EMC3: variants seen among roughly 807,000 people sequenced by gnomAD.
EMC3 encodes the protein 30 kDa protein.
In EMC3, 13 loss-of-function variants were observed where a neutral mutation model predicts 36.6. That is an observed-to-expected ratio of 0.35 (90% CI 0.23 to 0.56). The LOEUF (loss-of-function observed/expected upper bound fraction) is 0.56, where lower values mean the gene tolerates loss of function less well. Among genes scored for constraint, EMC3 ranks in the 20% least tolerant of loss-of-function variants. EMC3 has a pLI of 0.84. For missense variants in EMC3, 220 were observed against 324.5 expected, an observed-to-expected ratio of 0.68 and a Z score of 2.47; for synonymous variants, 120 against 111.9, an observed-to-expected ratio of 1.07 and a Z score of -0.46.
chr3:9,990,974 G>A (rs936503071), upstream of EMC3, among the ~76,000 whole-genome samples: 5 of 152,002 alleles, frequency 3.3e-5, no homozygotes, highest in African/African-American at 7.3e-5. Flanking sequence ...GACTATAGGC[G>A]CCCACCACCT....
intron 1 of EMC3, chr3:9,992,864 C>T (rs1415016548): frequency 7.0e-7 from 1 of 1,434,230 alleles, no homozygotes; most frequent in East Asian, 2.3e-5. Flanking sequence ...TCTATTATTG[C>T]ATATTTATTG....
intron 1 of EMC3, among the ~76,000 whole-genome samples, chr3:9,995,009 G>A (rs573442227): frequency 1.3e-5 from 2 of 151,534 alleles, no homozygotes; most frequent in South Asian, 4.2e-4. Context: ...AAACGCATCT[G>A]AATGGAACTT....
chr3:9,997,142 C>T (rs949362346), intron 1 of EMC3, among the ~76,000 whole-genome samples: 2 of 152,102 alleles, frequency 1.3e-5, no homozygotes, highest in African/African-American at 4.8e-5. Context: ...TGGATTTGTT[C>T]ATTCTAGATG....
Position 9,964,142 on chromosome 3 carries a change from TCGA to T in EMC3, c.710_712del (p.Val237del), listed in dbSNP as rs1362423314. On this transcript the variant is annotated inframe_deletion, in exon 8 of 8. Transcript: ENST00000245046. ...GAGGTCTTTGGCCATGAGCTCTTCT[TCGA>T]CATCATCTAGTGCCCACTGGTGATC... The T allele has an allele frequency of 1.2e-6, 2 of 1,614,072 alleles. No homozygotes were observed.
chr3:9,987,053 A>G (rs1388539050), upstream of EMC3: 7 of 945,082 alleles, frequency 7.4e-6, no homozygotes, highest in Non-Finnish European at 7.6e-6. Flanking sequence ...TCTCTACTAA[A>G]AATACAAAAA....
chr3:9,995,373 C>A (rs58501657), intron 1 of EMC3, among the ~76,000 whole-genome samples: 28,502 of 148,508 alleles, frequency 0.19, 265 homozygotes, highest in African/African-American at 0.29. Context: ...AAACTACGCC[C>A]AGGAGCAAAA....
rs2086186728 is a variant in EMC3 at position 10,000,604 on chromosome 3, C to T, written c.-242+10419G>A. On this transcript the variant is annotated intron_variant, in intron 1 of 8. Coordinates refer to the EMC3 transcript ENST00000470827. ...TGGTACACATAAAACAGTCATGAGA[C>T]ATTTGTTTTGTAATAAATAAGGCAG... 1.4e-5 allele frequency: 6 copies of T among 429,862 alleles called. No individual in the cohort carries two copies. In the Admixed American group the frequency reaches 1.5e-4, roughly 11 times the overall value. The allele number at this position is 429,862 out of a possible 1,614,324, so 26.6% of individuals were successfully genotyped here.
At chr3:9,994,872 G>A (rs1252626253) in intron 1 of EMC3, among the ~76,000 whole-genome samples, 2 of 152,198 alleles carry the variant, frequency 1.3e-5, no homozygotes, top group East Asian at 1.9e-4. Context: ...GTGCCTGGCC[G>A]AGACACATTT....
At chr3:10,004,110 GC>G (rs1559360193) in intron 1 of EMC3, 1 of 152,120 alleles carries the variant, frequency 6.6e-6, no homozygotes, top group East Asian at 1.9e-4. Context: ...CTGGGGTTCT[GC>G]CCTTCTGCTC....
chr3:9,964,952 T>C (rs1415702718), intron 7 of EMC3, among the ~76,000 whole-genome samples: 1 of 152,116 alleles, frequency 6.6e-6, no homozygotes, highest in Non-Finnish European at 1.5e-5. Context: ...AAAAATGCTT[T>C]ATGAGTTGGG....
Position 9,963,062 on chromosome 3 carries a change from T to C in EMC3, c.*1007A>G, listed in dbSNP as rs2085702985. The C allele has an allele frequency of 6.6e-6, 1 of 152,222 alleles. No individual in the cohort carries two copies. Among genetic ancestry groups the C allele is most frequent in the African/African-American group, 2.4e-5 (1 of 41,468 alleles). The allele number at this position is 152,222 out of a possible 1,614,324, so 9.4% of individuals were successfully genotyped here. ...GTCTCTGATGATCCCAAAGGCACTT[T>C]AGAATCTGGCAGTGCCTCAGGGTCA... On this transcript the variant is annotated 3_prime_UTR_variant, in exon 8 of 8. Transcript: ENST00000245046.
chr3:10,002,774 T>A, intron 1 of EMC3: 1 of 454,174 alleles, frequency 2.2e-6, no homozygotes, highest in Middle Eastern at 3.3e-4. Context: ...GAAATGTCCC[T>A]GGCTCAACAA....
upstream of EMC3, chr3:9,988,406 C>G: frequency 7.6e-7 from 1 of 1,321,546 alleles, no homozygotes; most frequent in Non-Finnish European, 1.1e-6. Flanking sequence ...CGGTCAGAAC[C>G]GTATTATTCT....
In EMC3 at chr3:9,972,049, CTT is replaced by C. The variant is rs372220145; in HGVS notation, c.495-1390_495-1389del. On this transcript the variant is annotated intron_variant, in intron 5 of 7. Coordinates refer to ENST00000245046, the MANE Select transcript of EMC3 (RefSeq NM_001394674.1). ...TAGTGGTATTCAGAAGGAGAAATCT[CTT>C]TTAAAAAATTATAAAGAGTGGTAAG... Among the ~76,000 whole-genome samples, 215 of 152,202 alleles carry C rather than the reference CTT, an allele frequency of 1.4e-3. 3 individuals are homozygous for C. Among genetic ancestry groups the C allele is most frequent in the African/African-American group, 5.0e-3 (207 of 41,518 alleles).
chr3:9,988,060 T>A (rs568971567), upstream of EMC3: 4 of 625,784 alleles, frequency 6.4e-6, no homozygotes, highest in East Asian at 1.2e-4. Flanking sequence ...GATGTCACAG[T>A]TCTCTGACAT....
chr3:9,983,621 A>G (rs58511260), intron 1 of EMC3, among the ~76,000 whole-genome samples: 1 of 152,014 alleles, frequency 6.6e-6, no homozygotes, highest in Non-Finnish European at 1.5e-5. Context: ...GCAGTGAGCC[A>G]AGATTGCGCC....
intron 6 of EMC3, 59 bp downstream of exon 6, chr3:9,970,523 C>G: frequency 6.4e-7 from 1 of 1,563,206 alleles, no homozygotes; most frequent in Non-Finnish European, 8.8e-7. Context: ...TTTTCTGGCT[C>G]TAATATGGAT....
At chr3:9,981,339 C>G (rs1028872711) in intron 1 of EMC3, among the ~76,000 whole-genome samples, 1 of 152,166 alleles carries the variant, frequency 6.6e-6, no homozygotes, top group Non-Finnish European at 1.5e-5. Flanking sequence ...TACAATTACA[C>G]TGCTGAACAA....
At chr3:9,985,191 T>C (rs990594878) in intron 1 of EMC3, among the ~76,000 whole-genome samples, 1 of 152,216 alleles carries the variant, frequency 6.6e-6, no homozygotes, top group African/African-American at 2.4e-5. Flanking sequence ...TTTAAAGGAA[T>C]CTTTAAATTA....
Sources: allele counts gnomAD v4.1 joint callset (sites outside exome capture counted in the v4.1 genomes callset), GRCh38; gene constraint gnomAD v4.1.1; transcripts MANE v1.5; gene names NCBI Gene and HGNC (gene_info 2026-07-23, HGNC 2026-07-21).